The following NAT1 variants were observed in gnomAD, a reference collection of about 807,000 sequenced individuals.
NAT1 encodes the protein arylamine N-acetyltransferase 1.
For missense variants in NAT1, 400 were observed against 339.2 expected (o/e 1.18, Z -1.41); for synonymous variants, 144 against 122.6 (o/e 1.17, Z -1.16).
rs867276191 is a variant in NAT1 at position 18,178,248 on chromosome 8, G to A, written n.92+7509G>A. On this transcript the variant is annotated intron_variant and non_coding_transcript_variant, in intron 2 of 4. Transcript: ENST00000517441. Reference sequence around the variant, plus strand: ...CTGTTTTGCATATTTTTCTGGATTTGTAGCTACTTGACAGAAAATAATCAG... The same window carrying A: ...CTGTTTTGCATATTTTTCTGGATTTATAGCTACTTGACAGAAAATAATCAG... 1.4e-4 allele frequency among the ~76,000 whole-genome samples: 22 copies of A among 152,026 alleles called. 1 individual carries two copies. Among genetic ancestry groups the A allele is most frequent in the Admixed American group, 1.4e-3 (22 of 15,242 alleles).
intron 1 of NAT1, 24 bp from the exon 2 acceptor site, chr8:18,219,387 G>T: frequency 6.8e-7 from 1 of 1,481,208 alleles, no homozygotes; most frequent in South Asian, 1.3e-5. Context: ...ATATATTTCT[G>T]ACTGTCTTTT....
intron 2 of NAT1, among the ~76,000 whole-genome samples, chr8:18,202,923 G>C (rs1803535793): frequency 6.6e-6 from 1 of 152,058 alleles, no homozygotes; most frequent in Admixed American, 6.6e-5. Flanking sequence ...CCATTTTAGA[G>C]GCGCTGATTG....
At chr8:18,176,917 G>T (rs1235116103) in intron 2 of NAT1, among the ~76,000 whole-genome samples, 2 of 151,818 alleles carry the variant, frequency 1.3e-5, no homozygotes, top group Admixed American at 1.3e-4. Flanking sequence ...ATAGCTTTTA[G>T]TGTAGAGATC....
upstream of NAT1, among the ~76,000 whole-genome samples, chr8:18,208,561 G>A (rs150941656): frequency 0.01 from 1,549 of 152,268 alleles, 23 homozygotes; most frequent in African/African-American, 0.034. Context: ...GGAACAAGGT[G>A]GCCAAATAGA....
upstream of NAT1, among the ~76,000 whole-genome samples, chr8:18,207,920 G>T (rs952012572): frequency 3.9e-5 from 6 of 152,174 alleles, no homozygotes; most frequent in Non-Finnish European, 7.3e-5. Flanking sequence ...ATAGACCATG[G>T]AATACTATGC....
chr8:18,185,111 T>A (rs990112592), intron 2 of NAT1, among the ~76,000 whole-genome samples: 1 of 151,670 alleles, frequency 6.6e-6, no homozygotes. Flanking sequence ...GGAGTGATTG[T>A]TCTGTAATTT....
chr8:18,173,412 A>T (rs564360500), intron 2 of NAT1, among the ~76,000 whole-genome samples: 1 of 152,226 alleles, frequency 6.6e-6, no homozygotes, highest in South Asian at 2.1e-4. Context: ...CCTGTTTATT[A>T]AAAAACCTCC....
At chr8:18,209,320 C>A (rs1803877050), upstream of NAT1, among the ~76,000 whole-genome samples, 1 of 152,248 alleles carries the variant, frequency 6.6e-6, no homozygotes, top group Admixed American at 6.5e-5. Context: ...CAAGGAAACA[C>A]TCACTGGTGG....
At chr8:18,201,328 G>T (rs1186497903) in intron 2 of NAT1, 1 of 152,106 alleles carries the variant, frequency 6.6e-6, no homozygotes, top group African/African-American at 2.4e-5. Context: ...CTAGGGCTAA[G>T]ACAGTAATTA....
At position 18,171,594 on chromosome 8, in the gene NAT1, T is replaced by C. The variant is rs28383661; in HGVS notation, n.92+855T>C. On this transcript the variant is annotated intron_variant and non_coding_transcript_variant, in intron 2 of 4. Coordinates refer to the NAT1 transcript ENST00000517441. The stretch of plus-strand genomic sequence containing the variant: ...ATTGTTGAAAACCTCTTACATTTAA[T>C]TCCTAATAGCTAAGGTATTTCTGCA... 5.6e-3 allele frequency among the ~76,000 whole-genome samples: 856 copies of C among 152,220 alleles called. 6 individuals carry two copies. Among genetic ancestry groups the C allele is most frequent in the African/African-American group, 0.02 (817 of 41,528 alleles).
chr8:18,175,382 C>G (rs1173825726), intron 2 of NAT1, among the ~76,000 whole-genome samples: 1 of 152,062 alleles, frequency 6.6e-6, no homozygotes, highest in African/African-American at 2.4e-5. Context: ...CCTCCTCTCC[C>G]CTAGCTACTG....
upstream of NAT1, among the ~76,000 whole-genome samples, chr8:18,209,366 A>C (rs995364934): frequency 1.3e-5 from 2 of 152,272 alleles, no homozygotes; most frequent in Admixed American, 1.3e-4. Flanking sequence ...AAATGTTTGA[A>C]GTGATAGATG....
At chr8:18,181,306 C>G (rs1802507127) in intron 2 of NAT1, among the ~76,000 whole-genome samples, 1 of 151,796 alleles carries the variant, frequency 6.6e-6, no homozygotes, top group Non-Finnish European at 1.5e-5. Flanking sequence ...GATTTTTTTG[C>G]AATTGGCTAT....
chr8:18,176,997 A>C (rs1432280047), intron 2 of NAT1, among the ~76,000 whole-genome samples: 3 of 151,976 alleles, frequency 2.0e-5, no homozygotes, highest in African/African-American at 4.8e-5. Flanking sequence ...ATTATTTTTA[A>C]AATTTCTTTT....
In NAT1 at chr8:18,222,974, C is replaced by A. The variant is rs764020267; in HGVS notation, c.*54C>A. On this transcript the variant is annotated 3_prime_UTR_variant, in exon 3 of 3. Transcript: ENST00000307719. ...TGTCATCCAGCTCACCAGTTATCAA[C>A]TGACGACCTATCATGTATCTTCTGT... 519 of 1,448,110 alleles carry A rather than the reference C, an allele frequency of 3.6e-4. No homozygotes were observed. The highest frequency in any genetic ancestry group is 4.5e-4 in the Non-Finnish European group (491 of 1,086,136). The allele number at this position is 1,448,110 out of a possible 1,614,324, so 89.7% of individuals were successfully genotyped here.
At chr8:18,173,500 C>G (rs1013110139) in intron 2 of NAT1, among the ~76,000 whole-genome samples, 2 of 152,156 alleles carry the variant, frequency 1.3e-5, no homozygotes, top group African/African-American at 4.8e-5. Context: ...CATTCAGCCC[C>G]AGAGCCACAT....
At chr8:18,197,677 C>T (rs1413043280) in intron 2 of NAT1, among the ~76,000 whole-genome samples, 4 of 152,188 alleles carry the variant, frequency 2.6e-5, no homozygotes, top group Admixed American at 2.0e-4. Flanking sequence ...CATCCTTTCT[C>T]TCATTGTTCT....
At chr8:18,220,662 A>C (rs28359532) in intron 2 of NAT1, among the ~76,000 whole-genome samples, 2,760 of 152,172 alleles carry the variant, frequency 0.018, 49 homozygotes, top group Middle Eastern at 0.085. Flanking sequence ...CTCTTGGTAA[A>C]CTTGGTGAAC....
intron 2 of NAT1, among the ~76,000 whole-genome samples, chr8:18,185,614 T>C (rs80173739): frequency 4.6e-5 from 7 of 152,118 alleles, no homozygotes; most frequent in African/African-American, 1.7e-4. Context: ...CAAATCTTAA[T>C]GTTGTTGTTT....
Sources: allele counts gnomAD v4.1 joint callset (sites outside exome capture counted in the v4.1 genomes callset), GRCh38; gene constraint gnomAD v4.1.1; transcripts MANE v1.5; gene names NCBI Gene and HGNC (gene_info 2026-07-23, HGNC 2026-07-21).